Variants in CTNNA3 observed in about 807,000 individuals in gnomAD.
The protein encoded by CTNNA3 is catenin alpha 3.
CTNNA3 carries 76 observed loss-of-function variants against 95.7 expected under a neutral mutation model. The ratio of observed to expected loss-of-function variants is 0.79; its 90% CI spans 0.66 to 0.96. CTNNA3 has a LOEUF of 0.96. CTNNA3 is among the 40% of genes least tolerant of loss of function. The probability of loss-of-function intolerance (pLI) is 0.00; values close to 1 mark genes in which losing one functional copy is unlikely to be tolerated. For missense variants in CTNNA3, 1,191 were observed against 1,089.8 expected (o/e 1.09, Z -1.31); for synonymous variants, 431 against 374.4 (o/e 1.15, Z -1.74).
intron 1 of CTNNA3, among the ~76,000 whole-genome samples, chr10:67,665,822 A>G (rs936447442): frequency 6.6e-6 from 1 of 152,220 alleles, no homozygotes; most frequent in African/African-American, 2.4e-5. Flanking sequence ...CAGATTTACA[A>G]TGAAATAATA....
rs183423487 is a variant in CTNNA3 at position 66,777,652 on chromosome 10, C to T, written c.1048-2128G>A. On this transcript the variant is annotated intron_variant, in intron 7 of 17. Transcript: ENST00000433211. Reference sequence around the variant, plus strand: ...TATAATTTTACCTAAAGAACCCAGCCCTTATTCTCTAGCTTCATGCAGTGT... The same window carrying T: ...TATAATTTTACCTAAAGAACCCAGCTCTTATTCTCTAGCTTCATGCAGTGT... Among the ~76,000 whole-genome samples the T allele has an allele frequency of 2.0e-3, 306 of 152,126 alleles. 3 individuals carry two copies. Among genetic ancestry groups the T allele is most frequent in the South Asian group, 9.3e-3 (45 of 4,824 alleles).
intron 1 of CTNNA3, among the ~76,000 whole-genome samples, chr10:67,718,325 G>A (rs868420303): frequency 2.0e-5 from 3 of 152,116 alleles, no homozygotes; most frequent in Non-Finnish European, 4.4e-5. Context: ...TTGCCTGATT[G>A]CCCTGGTCAG....
At chr10:67,581,095 G>C (rs576068299) in intron 3 of CTNNA3, among the ~76,000 whole-genome samples, 1 of 152,246 alleles carries the variant, frequency 6.6e-6, no homozygotes, top group East Asian at 1.9e-4. Context: ...CCAACACTAT[G>C]TTGAATAGGA....
At chr10:67,043,979 A>G (rs989650439) in intron 7 of CTNNA3, among the ~76,000 whole-genome samples, 8 of 151,806 alleles carry the variant, frequency 5.3e-5, no homozygotes, top group African/African-American at 1.7e-4. Context: ...GGGTACATGG[A>G]CAGGTTTGTT....
At chr10:67,504,435 C>CAAAAAAAAAA (rs60719599) in intron 5 of CTNNA3, among the ~76,000 whole-genome samples, 2 of 16,156 alleles carry the variant, frequency 1.2e-4, no homozygotes, top group Non-Finnish European at 2.5e-4. Flanking sequence ...GACTCCATCT[C>CAAAAAAAAAA]AAAAAAAAAA....
chr10:67,732,993 G>A (rs767470344), intron 1 of CTNNA3, among the ~76,000 whole-genome samples: 1 of 151,832 alleles, frequency 6.6e-6, no homozygotes, highest in Non-Finnish European at 1.5e-5. Context: ...ACACACCAAG[G>A]TATGTAACAG....
At chr10:66,630,395 C>G (rs773776093) in intron 9 of CTNNA3, among the ~76,000 whole-genome samples, 1 of 152,108 alleles carries the variant, frequency 6.6e-6, no homozygotes, top group African/African-American at 2.4e-5. Flanking sequence ...TGGCCATCAT[C>G]CTTAACAAGG....
rs145853493 is a variant in CTNNA3 at position 67,133,650 on chromosome 10, A to C, written c.1047+46667T>G. On this transcript the variant is annotated intron_variant, in intron 7 of 17. Coordinates refer to ENST00000433211, the MANE Select transcript of CTNNA3 (RefSeq NM_013266.4). ...AAAGAATCAGGAGATTAAAACTCTA[A>C]TTAATTTGAAGAGTAAATGCAGCAG... Among the ~76,000 whole-genome samples, 258 of 152,060 alleles carry C rather than the reference A, an allele frequency of 1.7e-3. 1 individual carries two copies. Among genetic ancestry groups the C allele is most frequent in the African/African-American group, 5.3e-3 (222 of 41,496 alleles).
chr10:66,219,420 A>G (rs1359808486), intron 13 of CTNNA3, among the ~76,000 whole-genome samples: 2 of 152,172 alleles, frequency 1.3e-5, no homozygotes, highest in Admixed American at 6.5e-5. Flanking sequence ...GACCAATAGA[A>G]TATGACTGAA....
chr10:67,685,853 T>A (rs971744183), intron 1 of CTNNA3, among the ~76,000 whole-genome samples: 1 of 152,222 alleles, frequency 6.6e-6, no homozygotes, highest in African/African-American at 2.4e-5. Flanking sequence ...TGACTTTCTG[T>A]CTCTCTGTAT....
intron 7 of CTNNA3, among the ~76,000 whole-genome samples, chr10:66,933,207 A>G (rs1438755451): frequency 6.6e-6 from 1 of 152,256 alleles, no homozygotes; most frequent in Non-Finnish European, 1.5e-5. Flanking sequence ...CCCATTTTAC[A>G]TCATTAGAAG....
intron 4 of CTNNA3, among the ~76,000 whole-genome samples, chr10:67,524,149 A>T (rs1006362084): frequency 1.3e-5 from 2 of 152,206 alleles, no homozygotes; most frequent in African/African-American, 4.8e-5. Flanking sequence ...CACGCCTGTA[A>T]TCCCAGCACT....
chr10:66,997,850 G>A (rs897043352), intron 7 of CTNNA3, among the ~76,000 whole-genome samples: 2 of 152,070 alleles, frequency 1.3e-5, no homozygotes, highest in African/African-American at 4.8e-5. Context: ...GAAGCCTACA[G>A]TCATCCATTC....
chr10:66,316,861 T>C (rs2092108600), intron 12 of CTNNA3, among the ~76,000 whole-genome samples: 1 of 152,160 alleles, frequency 6.6e-6, no homozygotes, highest in Admixed American at 6.5e-5. Flanking sequence ...TAAATTTAAC[T>C]TGTTGTCTAG....
intron 10 of CTNNA3, among the ~76,000 whole-genome samples, 197 bp from the exon 11 acceptor site, chr10:66,520,970 A>G (rs1375768344): frequency 1.3e-5 from 2 of 151,224 alleles, no homozygotes; most frequent in Non-Finnish European, 2.9e-5. Flanking sequence ...ATACTCATTC[A>G]TGTTAAACAT....
At chr10:65,933,724 GT>G (rs1405968310) in intron 17 of CTNNA3, among the ~76,000 whole-genome samples, 3 of 152,138 alleles carry the variant, frequency 2.0e-5, no homozygotes, top group African/African-American at 4.8e-5. Context: ...CATTTAATAA[GT>G]TTTCAATTCA....
intron 10 of CTNNA3, among the ~76,000 whole-genome samples, chr10:66,599,667 G>C (rs1415821294): frequency 1.3e-5 from 2 of 151,598 alleles, no homozygotes; most frequent in South Asian, 2.1e-4. Context: ...TGACCTCAAA[G>C]TGTCTTAGGA....
intron 7 of CTNNA3, among the ~76,000 whole-genome samples, chr10:66,953,616 C>A (rs1848647673): frequency 6.6e-6 from 1 of 152,052 alleles, no homozygotes; most frequent in South Asian, 2.1e-4. Context: ...TTCAAAGATA[C>A]ATTACCTTAT....
chr10:66,485,222 T>C (rs769933294), intron 11 of CTNNA3, among the ~76,000 whole-genome samples: 3 of 152,086 alleles, frequency 2.0e-5, no homozygotes, highest in Non-Finnish European at 2.9e-5. Flanking sequence ...GTACTGGAAG[T>C]TGTATTTAAG....
Sources: gnomAD v4.1 joint callset for allele counts (sites outside exome capture counted in the v4.1 genomes callset) on GRCh38, gnomAD v4.1.1 for gene constraint, MANE v1.5 for transcripts, NCBI Gene and HGNC (gene_info 2026-07-23, HGNC 2026-07-21) for gene names.